Variants in CEP63 observed in about 807,000 individuals in gnomAD.
CEP63 encodes centrosomal protein of 63 kDa.
In CEP63, 84 loss-of-function variants were observed where a neutral mutation model predicts 89.1. The ratio of observed to expected loss-of-function variants is 0.94; its 90% CI spans 0.79 to 1.13. The LOEUF (loss-of-function observed/expected upper bound fraction) is 1.13, where lower values mean the gene tolerates loss of function less well. Among genes scored for constraint, CEP63 ranks in the 50% most tolerant of loss-of-function variants. The pLI, the probability that CEP63 is intolerant of heterozygous loss-of-function variation, is 0.00. For synonymous variants in CEP63, 267 were observed against 272.5 expected (o/e 0.98, Z 0.20); for missense variants, 838 against 813.3 (o/e 1.03, Z -0.37).
the CEP63 span, among the ~76,000 whole-genome samples, chr3:134,601,469 G>A: frequency 1.3e-5 from 2 of 152,234 alleles, no homozygotes; most frequent in Non-Finnish European, 2.9e-5. Context: ...ATGCGTCATC[G>A]AAGGCACTTA....
chr3:134,526,646 G>A (rs1240638350), intron 3 of CEP63, among the ~76,000 whole-genome samples: 1 of 152,112 alleles, frequency 6.6e-6, no homozygotes, highest in African/African-American at 2.4e-5. Context: ...CTGGAGAAGT[G>A]ATATGGTTGT....
chr3:134,486,423 C>G, intron 1 of CEP63: 1 of 985,500 alleles, frequency 1.0e-6, no homozygotes, highest in Non-Finnish European at 1.2e-6. Context: ...AGCCCAGTCC[C>G]TCGGCCTGGC....
chr3:134,538,587 T>G (rs1433406966), intron 6 of CEP63, among the ~76,000 whole-genome samples: 3 of 124,382 alleles, frequency 2.4e-5, no homozygotes, highest in South Asian at 2.6e-4. Context: ...ACAAAAAATT[T>G]TTTTTGGTTT....
the CEP63 span, among the ~76,000 whole-genome samples, chr3:134,737,158 G>C: frequency 6.6e-6 from 1 of 151,958 alleles, no homozygotes; most frequent in Non-Finnish European, 1.5e-5. Context: ...AACTATTCTA[G>C]GTCAATTTAA....
At chr3:134,548,146 A>G (rs1190230615) in intron 9 of CEP63, among the ~76,000 whole-genome samples, 1 of 152,122 alleles carries the variant, frequency 6.6e-6, no homozygotes, top group Non-Finnish European at 1.5e-5. Context: ...CATCTGGGGG[A>G]AAAACCATCC....
At chr3:134,595,174 G>T in the CEP63 span, among the ~76,000 whole-genome samples, 1 of 152,150 alleles carries the variant, frequency 6.6e-6, no homozygotes, top group Non-Finnish European at 1.5e-5. Context: ...TTTAATCATG[G>T]GGGTGGTTAC....
the CEP63 span, among the ~76,000 whole-genome samples, chr3:134,645,461 G>A: frequency 4.6e-5 from 7 of 152,296 alleles, no homozygotes; most frequent in African/African-American, 4.8e-5. Flanking sequence ...AGGGCTGGGC[G>A]GCCTGCTGGT....
the CEP63 span, among the ~76,000 whole-genome samples, chr3:134,747,253 G>A: frequency 3.9e-5 from 6 of 152,170 alleles, no homozygotes; most frequent in African/African-American, 9.7e-5. Flanking sequence ...TGTTATTACT[G>A]AGGCCTCTGT....
the CEP63 span, among the ~76,000 whole-genome samples, chr3:134,657,414 T>C: frequency 6.6e-6 from 1 of 152,220 alleles, no homozygotes; most frequent in Non-Finnish European, 1.5e-5. Flanking sequence ...ATATTTTTAT[T>C]TAAAAAGTAT....
At chr3:134,766,421 C>T in the CEP63 span, among the ~76,000 whole-genome samples, 1 of 152,244 alleles carries the variant, frequency 6.6e-6, no homozygotes, top group African/African-American at 2.4e-5. Context: ...TTCCCTGCCT[C>T]CTCCAACATG....
At position 134,545,789 on chromosome 3, in the gene CEP63, A is replaced by T; in HGVS notation, c.759A>T (p.Glu253Asp). ...TVLQEQQQKE[E>D]KLRESEKLLE... ...TACAGGAGCAGCAGCAAAAAGAAGA[A>T]AAATTGAGGGAATCTGAAAAACTAT... The change falls in exon 7 of 15, where the codon GAA (glutamate) becomes GAT (aspartate). Residue 253 changes from glutamate to aspartate, a missense_variant. Physicochemically the swap from Glu to Asp is conservative, Grantham distance 45. Transcript: ENST00000675561. 1 of 1,613,874 alleles carries T rather than the reference A, an allele frequency of 6.2e-7. No individual in the cohort carries two copies. The highest frequency in any genetic ancestry group is 1.3e-5 in the African/African-American group (1 of 75,040).
chr3:134,503,758 A>T (rs569450290), intron 2 of CEP63, among the ~76,000 whole-genome samples: 1 of 151,666 alleles, frequency 6.6e-6, no homozygotes, highest in Non-Finnish European at 1.5e-5. Flanking sequence ...TTATATAATG[A>T]CCTTCTTTGT....
At chr3:134,493,073 A>T (rs1272113018) in intron 1 of CEP63, among the ~76,000 whole-genome samples, 2 of 152,204 alleles carry the variant, frequency 1.3e-5, no homozygotes, top group Non-Finnish European at 2.9e-5. Context: ...TTTAAGAATA[A>T]CATGACCTAA....
At chr3:134,649,266 G>A in the CEP63 span, among the ~76,000 whole-genome samples, 1 of 152,180 alleles carries the variant, frequency 6.6e-6, no homozygotes, top group African/African-American at 2.4e-5. Context: ...GCATACATGA[G>A]TCTGGAGCCA....
chr3:134,744,919 C>A, the CEP63 span, among the ~76,000 whole-genome samples: 2 of 152,176 alleles, frequency 1.3e-5, no homozygotes, highest in Non-Finnish European at 2.9e-5. Context: ...TTCTAAAAAA[C>A]CAGCCTTATT....
the CEP63 span, among the ~76,000 whole-genome samples, chr3:134,740,581 G>C: frequency 3.3e-5 from 5 of 152,242 alleles, no homozygotes; most frequent in East Asian, 9.7e-4. Context: ...ACAGGCGTGA[G>C]CCACCGTGCC....
Position 134,537,212 on chromosome 3 carries a change from G to A in CEP63, c.499G>A (p.Val167Ile), listed in dbSNP as rs148139450. 118 of 1,614,022 alleles carry A rather than the reference G, an allele frequency of 7.3e-5. No homozygotes were observed. In the African/African-American group the frequency reaches 1.3e-3, roughly 18 times the overall value. ...GCAACGCTTGATTTATCAGCAACAGGTATCTTCACTGGAGGCACAAAGGAA... is the reference window on the plus strand; with the variant it reads ...GCAACGCTTGATTTATCAGCAACAGATATCTTCACTGGAGGCACAAAGGAA... ...EKQRLIYQQQ[V>I]SSLEAQRKAL... is the part of the protein sequence containing the mutation. Residue 167 changes from valine to isoleucine, a missense_variant, in exon 6 of 15, where the codon GTA (valine) becomes ATA (isoleucine). Transcript: ENST00000675561.
chr3:134,527,112 G>T (rs972952123), intron 3 of CEP63, among the ~76,000 whole-genome samples: 2 of 152,234 alleles, frequency 1.3e-5, no homozygotes, highest in African/African-American at 4.8e-5. Context: ...GGTAGCAGCA[G>T]TGCAGTGGGG....
intron 12 of CEP63, chr3:134,552,439 G>T (rs1289866717): frequency 6.5e-6 from 1 of 153,494 alleles, no homozygotes. Context: ...CCAATCTCAG[G>T]TGATCTGCCC....
Sources: gnomAD v4.1 joint callset for allele counts (sites outside exome capture counted in the v4.1 genomes callset) on GRCh38, gnomAD v4.1.1 for gene constraint, MANE v1.5 for transcripts, NCBI Gene and HGNC (gene_info 2026-07-23, HGNC 2026-07-21) for gene names.